Variants in DDX42 observed in about 807,000 individuals in gnomAD.
The protein encoded by DDX42 is DEAD-box helicase 42.
In DDX42, 22 loss-of-function variants were observed where a neutral mutation model predicts 101.5. The observed-to-expected ratio is 0.22, with a 90% confidence interval of 0.15 to 0.31. DDX42 has a LOEUF of 0.31. Among genes scored for constraint, DDX42 ranks in the 10% least tolerant of loss-of-function variants. DDX42 has a pLI of 1.00. For synonymous variants in DDX42, 402 were observed against 401.2 expected, an observed-to-expected ratio of 1.00 and a Z score of -0.02; for missense variants, 849 against 1,199.9, an observed-to-expected ratio of 0.71 and a Z score of 4.32.
At chr17:63,788,299 A>T (rs1362072370) in intron 2 of DDX42, among the ~76,000 whole-genome samples, 2 of 146,660 alleles carry the variant, frequency 1.4e-5, no homozygotes, top group Non-Finnish European at 3.0e-5. Flanking sequence ...AGTTTGCTTC[A>T]ACATCTGAGT....
chr17:63,816,813 G>A, intron 16 of DDX42, 55 bp from the exon 17 acceptor site: 1 of 1,448,796 alleles, frequency 6.9e-7, no homozygotes, highest in East Asian at 2.4e-5. Context: ...CTAGTCTATA[G>A]CAGTGAGCTT....
Position 63,818,599 on chromosome 17 carries a change from AGT to A in DDX42, c.*203_*204del. The A allele has an allele frequency of 1.8e-6, 1 of 559,750 alleles. No homozygotes were observed. Among genetic ancestry groups the A allele is most frequent in the South Asian group, 2.3e-5 (1 of 43,298 alleles). 34.7% of individuals were successfully genotyped at this position (559,750 alleles called of 1,614,324 possible). A position where few individuals can be genotyped will look rare whatever the true frequency, so the allele number is the denominator to read the frequency against. On this transcript the variant is annotated 3_prime_UTR_variant, in exon 18 of 18. Coordinates refer to ENST00000389924, the MANE Select transcript of DDX42 (RefSeq NM_203499.3). ...GGAAGCTGTTTTGGTCCTTGGAAGC[AGT>A]GAGAGCTGGGAAGCTTCTTTTGGCT...
chr17:63,805,723 ATCTAC>A (rs1329937740), intron 7 of DDX42: 3 of 153,276 alleles, frequency 2.0e-5, no homozygotes, highest in Non-Finnish European at 2.9e-5. Context: ...ATGCTATGCT[ATCTAC>A]TCTAATATAG....
chr17:63,808,380 G>C (rs1395820308), intron 9 of DDX42, among the ~76,000 whole-genome samples: 3 of 152,008 alleles, frequency 2.0e-5, no homozygotes, highest in Admixed American at 2.0e-4. Flanking sequence ...CACCATGTTG[G>C]CCAGGCTGGT....
intron 3 of DDX42, 63 bp downstream of exon 3, chr17:63,792,625 A>T (rs527638223): frequency 3.4e-6 from 5 of 1,463,900 alleles, no homozygotes; most frequent in Non-Finnish European, 4.5e-6. Flanking sequence ...TTAACTTAGT[A>T]CTTCAAATCT....
chr17:63,800,121 T>TA, intron 5 of DDX42: 1 of 222,116 alleles, frequency 4.5e-6, no homozygotes, highest in Non-Finnish European at 8.8e-6. Flanking sequence ...CCTTTCTAAT[T>TA]AGCGTTAACT....
At chr17:63,775,530 C>T (rs1476283436) in intron 1 of DDX42, among the ~76,000 whole-genome samples, 1 of 152,106 alleles carries the variant, frequency 6.6e-6, no homozygotes, top group Non-Finnish European at 1.5e-5. Flanking sequence ...TCAGGGAAGT[C>T]CATACAGACA....
chr17:63,788,373 C>T (rs1056280834), intron 2 of DDX42, among the ~76,000 whole-genome samples: 2 of 143,262 alleles, frequency 1.4e-5, no homozygotes, highest in Non-Finnish European at 3.0e-5. Flanking sequence ...GTAGCGCGAT[C>T]TTGGCTCACT....
chr17:63,816,602 G>A (rs1191673694), intron 16 of DDX42: 9 of 286,030 alleles, frequency 3.1e-5, no homozygotes, highest in Admixed American at 2.6e-4. Flanking sequence ...AAGTGTTTAT[G>A]TAAATACATG....
In DDX42 at chr17:63,819,067, G is replaced by A. The variant is rs189424983; in HGVS notation, c.*669G>A. On this transcript the variant is annotated 3_prime_UTR_variant, in exon 18 of 18. Coordinates refer to ENST00000389924, the MANE Select transcript of DDX42 (RefSeq NM_203499.3). ...CCAGGATTGCTCCAGGTTTGAGATG[G>A]TATTGCTAAATTTAAAATTAAACAA... is the stretch of plus-strand genomic sequence containing the variant. The A allele has an allele frequency of 6.6e-6, 1 of 152,384 alleles. No homozygotes were observed. The highest frequency in any genetic ancestry group is 1.5e-5 in the Non-Finnish European group (1 of 68,052). The allele number at this position is 152,384 out of a possible 1,614,324, so 9.4% of individuals were successfully genotyped here. A position where few individuals can be genotyped will look rare whatever the true frequency, so the allele number is the denominator to read the frequency against.
intron 10 of DDX42, 83 bp from the exon 11 acceptor site, chr17:63,809,477 A>G: frequency 9.4e-7 from 1 of 1,060,852 alleles, no homozygotes. Context: ...GAGAATTAGC[A>G]CTTTTGCCAG....
chr17:63,807,977 C>G (rs1009182369), intron 9 of DDX42, 77 bp downstream of exon 9: 2 of 1,415,230 alleles, frequency 1.4e-6, no homozygotes, highest in Admixed American at 2.7e-5. Context: ...GGTAGAATGA[C>G]CAGGAAACTT....
At chr17:63,788,141 G>T (rs904996962) in intron 2 of DDX42, among the ~76,000 whole-genome samples, 1 of 151,824 alleles carries the variant, frequency 6.6e-6, no homozygotes, top group Admixed American at 6.6e-5. Flanking sequence ...CTGACCTCAG[G>T]TGAACTGCCC....
At chr17:63,804,937 A>G (rs909205966) in intron 6 of DDX42, 134 bp from the exon 7 acceptor site, 11 of 1,105,924 alleles carry the variant, frequency 9.9e-6, no homozygotes, top group African/African-American at 1.6e-5. Flanking sequence ...CTGAGAATAA[A>G]TTAATTTTTT....
chr17:63,811,604 A>G (rs1042738721), intron 13 of DDX42: 4 of 461,888 alleles, frequency 8.7e-6, no homozygotes, highest in Non-Finnish European at 1.6e-5. Flanking sequence ...ACCTGTACAT[A>G]TGCGCTATGT....
In DDX42 at chr17:63,787,998, G is replaced by A. The variant is rs575579799; in HGVS notation, c.221+728G>A. On this transcript the variant is annotated intron_variant, in intron 2 of 17. Transcript: ENST00000389924. ...CGGTTCACCGCAACTTCAACCTCTC[G>A]AGTTCAAGTGATTCTCCAGCCTCAC... Among the ~76,000 whole-genome samples, 13 of 143,410 alleles carry A rather than the reference G, an allele frequency of 9.1e-5. No homozygotes were observed. In the South Asian group the frequency reaches 1.4e-3, roughly 16 times the overall value. 94.1% of individuals were successfully genotyped at this position (143,410 alleles called of 152,430 possible). A position where few individuals can be genotyped will look rare whatever the true frequency, so the allele number is the denominator to read the frequency against.
intron 1 of DDX42, among the ~76,000 whole-genome samples, chr17:63,779,981 C>G (rs780613801): frequency 4.6e-5 from 7 of 152,160 alleles, no homozygotes; most frequent in Non-Finnish European, 1.0e-4. Flanking sequence ...GTTCAGTAAC[C>G]ATATACACTA....
chr17:63,787,941 G>A (rs1043527745), intron 2 of DDX42, among the ~76,000 whole-genome samples: 5 of 130,302 alleles, frequency 3.8e-5, no homozygotes, highest in African/African-American at 5.8e-5. Flanking sequence ...AGTTTTGCTC[G>A]TCACCCAGGC....
At chr17:63,786,412 A>T (rs528393374) in intron 1 of DDX42, among the ~76,000 whole-genome samples, 1 of 151,916 alleles carries the variant, frequency 6.6e-6, no homozygotes. Context: ...AATGAGATGG[A>T]TTTTCTTTTC....
Sources: gnomAD v4.1 joint callset for allele counts (sites outside exome capture counted in the v4.1 genomes callset) on GRCh38, gnomAD v4.1.1 for gene constraint, MANE v1.5 for transcripts, NCBI Gene and HGNC (gene_info 2026-07-23, HGNC 2026-07-21) for gene names.